FAM241A: variants seen among roughly 807,000 people sequenced by gnomAD.
FAM241A encodes the protein uncharacterized protein FAM241A.
A neutral mutation model predicts 12.2 loss-of-function variants in FAM241A; 7 were observed. That is an observed-to-expected ratio of 0.58 (90% CI 0.33 to 1.08). FAM241A has a LOEUF of 1.08. Among genes scored for constraint, FAM241A ranks in the 50% least tolerant of loss-of-function variants. The pLI, the probability that FAM241A is intolerant of heterozygous loss-of-function variation, is 0.04. For synonymous variants in FAM241A, 74 were observed against 68.2 expected, an observed-to-expected ratio of 1.08 and a Z score of -0.42; for missense variants, 161 against 169.7, an observed-to-expected ratio of 0.95 and a Z score of 0.29.
chr4:112,158,235 T>C (rs1040278), intron 1 of FAM241A, among the ~76,000 whole-genome samples: 80,815 of 151,878 alleles, frequency 0.53, 22,380 homozygotes, highest in African/African-American at 0.7. Flanking sequence ...AATCAAAGTC[T>C]TTGGGCGCTC....
At chr4:112,174,944 G>T (rs559979052) in intron 1 of FAM241A, among the ~76,000 whole-genome samples, 1 of 152,342 alleles carries the variant, frequency 6.6e-6, no homozygotes, top group Non-Finnish European at 1.5e-5. Context: ...CTGAAAAACT[G>T]TGTATATGCC....
At position 112,145,529 on chromosome 4, in the gene FAM241A, T is replaced by C. The variant is rs1457589447; in HGVS notation, c.-52T>C. On this transcript the variant is annotated 5_prime_UTR_variant, in exon 1 of 2. Coordinates refer to ENST00000309733, the MANE Select transcript of FAM241A (RefSeq NM_152400.3). ...TCGGGCGGCGGCGCTGCCTGGTGCGTCGCGGCGTGGTCCTCCGGCGGCTGT... is the reference window on the plus strand; with the variant it reads ...TCGGGCGGCGGCGCTGCCTGGTGCGCCGCGGCGTGGTCCTCCGGCGGCTGT... 1.6e-6 allele frequency: 2 copies of C among 1,215,910 alleles called. No homozygotes were observed. The highest frequency in any genetic ancestry group is 2.0e-6 in the Non-Finnish European group (2 of 975,864). 75.3% of individuals were successfully genotyped at this position (1,215,910 alleles called of 1,614,324 possible). A position where few individuals can be genotyped will look rare whatever the true frequency, so the allele number is the denominator to read the frequency against.
chr4:112,191,848 AAATT>A lies in FAM241A; in HGVS notation c.*4914_*4917del, dbSNP rs1724170507. ...CTGCTTTAATAATTGATTAATTATT[AAATT>A]AATCAATAGGCTTCACAAGGGAAGA... On this transcript the variant is annotated 3_prime_UTR_variant, in exon 2 of 2. Coordinates refer to ENST00000309733, the MANE Select transcript of FAM241A (RefSeq NM_152400.3). 6.6e-6 allele frequency: 1 copy of A among 152,236 alleles called. No individual in the cohort carries two copies. Among genetic ancestry groups the A allele is most frequent in the African/African-American group, 2.4e-5 (1 of 41,444 alleles). The allele number at this position is 152,236 out of a possible 1,614,324, so 9.4% of individuals were successfully genotyped here. A position where few individuals can be genotyped will look rare whatever the true frequency, so the allele number is the denominator to read the frequency against.
At chr4:112,153,774 T>C (rs1228986290) in intron 1 of FAM241A, among the ~76,000 whole-genome samples, 1 of 152,218 alleles carries the variant, frequency 6.6e-6, no homozygotes, top group East Asian at 1.9e-4. Context: ...CTGCAGCTTA[T>C]CAGAGTTCTA....
intron 1 of FAM241A, among the ~76,000 whole-genome samples, chr4:112,153,373 A>C (rs949536969): frequency 1.3e-5 from 2 of 152,186 alleles, no homozygotes; most frequent in African/African-American, 4.8e-5. Flanking sequence ...AAATATGTAG[A>C]AATTCTGTGT....
intron 1 of FAM241A, among the ~76,000 whole-genome samples, chr4:112,160,726 G>C (rs1232744583): frequency 6.6e-6 from 1 of 152,090 alleles, no homozygotes; most frequent in Non-Finnish European, 1.5e-5. Context: ...CAATGGAACA[G>C]AATAAAGAGC....
intron 1 of FAM241A, among the ~76,000 whole-genome samples, chr4:112,165,145 T>C (rs1276963508): frequency 6.6e-6 from 1 of 152,088 alleles, no homozygotes; most frequent in East Asian, 1.9e-4. Flanking sequence ...AACAGGCATA[T>C]GAAAAGATGC....
chr4:112,155,505 C>T (rs1723333805), intron 1 of FAM241A, among the ~76,000 whole-genome samples: 1 of 151,584 alleles, frequency 6.6e-6, no homozygotes, highest in Non-Finnish European at 1.5e-5. Context: ...AAGTGACAAA[C>T]AAGTTATAAT....
chr4:112,193,222 A>T lies in FAM241A; in HGVS notation c.*6284A>T, dbSNP rs974798025. On this transcript the variant is annotated 3_prime_UTR_variant, in exon 2 of 2. Transcript: ENST00000309733. ...TGTTTTTTTCTTGTAAATTTGTTTGAGTTCATTGTAGATTCTGGATATTAG... is the reference window on the plus strand; with the variant it reads ...TGTTTTTTTCTTGTAAATTTGTTTGTGTTCATTGTAGATTCTGGATATTAG... The T allele has an allele frequency of 4.0e-5, 6 of 151,060 alleles. No individual in the cohort carries two copies. Among genetic ancestry groups the T allele is most frequent in the African/African-American group, 1.5e-4 (6 of 40,948 alleles). The allele number at this position is 151,060 out of a possible 1,614,324, so 9.4% of individuals were successfully genotyped here.
At chr4:112,153,493 TC>T (rs1271340649) in intron 1 of FAM241A, among the ~76,000 whole-genome samples, 2 of 152,214 alleles carry the variant, frequency 1.3e-5, no homozygotes, top group African/African-American at 4.8e-5. Flanking sequence ...AAAACCTTGT[TC>T]CTACTAGTTA....
At chr4:112,149,783 T>C (rs1353262748) in intron 1 of FAM241A, among the ~76,000 whole-genome samples, 6 of 152,202 alleles carry the variant, frequency 3.9e-5, no homozygotes, top group East Asian at 3.8e-4. Context: ...ACCATTCATA[T>C]ATTTATTAGG....
intron 1 of FAM241A, among the ~76,000 whole-genome samples, chr4:112,176,493 G>A (rs1163731418): frequency 5.9e-5 from 9 of 152,190 alleles, no homozygotes; most frequent in Admixed American, 5.9e-4. Flanking sequence ...AGCAGGATTT[G>A]AATCTGTCCT....
intron 1 of FAM241A, among the ~76,000 whole-genome samples, chr4:112,176,840 A>C (rs562107250): frequency 3.9e-5 from 6 of 152,288 alleles, no homozygotes; most frequent in African/African-American, 7.2e-5. Flanking sequence ...CATTTGACAA[A>C]TGTTTTTCCA....
intron 1 of FAM241A, 84 bp from the exon 2 acceptor site, chr4:112,186,609 G>A (rs1372670639): frequency 1.6e-6 from 2 of 1,266,734 alleles, no homozygotes; most frequent in African/African-American, 1.5e-5. Flanking sequence ...CAGCACTTTG[G>A]AAGATGAAGA....
chr4:112,162,721 A>G (rs951602789), intron 1 of FAM241A, among the ~76,000 whole-genome samples: 1 of 152,224 alleles, frequency 6.6e-6, no homozygotes, highest in African/African-American at 2.4e-5. Flanking sequence ...TATCATGAAA[A>G]TGGCCATACT....
intron 1 of FAM241A, among the ~76,000 whole-genome samples, chr4:112,159,399 A>G (rs1237907564): frequency 2.0e-5 from 3 of 152,190 alleles, no homozygotes; most frequent in Non-Finnish European, 2.9e-5. Flanking sequence ...TAAATTAACT[A>G]TGGACTTATT....
intron 1 of FAM241A, among the ~76,000 whole-genome samples, chr4:112,168,426 A>G (rs1209113081): frequency 6.6e-6 from 1 of 152,220 alleles, no homozygotes; most frequent in Non-Finnish European, 1.5e-5. Context: ...CAGCCAAGTC[A>G]ATGGGTTTGA....
chr4:112,164,957 A>G lies in FAM241A; in HGVS notation c.153+19224A>G, dbSNP rs572789200. 8.5e-5 allele frequency among the ~76,000 whole-genome samples: 13 copies of G among 152,228 alleles called. No individual in the cohort carries two copies. In the East Asian group the frequency reaches 2.5e-3, roughly 29 times the overall value. ...GAAACCCCATCTCTCCAAAAAATAC[A>G]AAAAAACTAGCTAGGCATGGGCTCA... On this transcript the variant is annotated intron_variant, in intron 1 of 1. Transcript: ENST00000309733.
In FAM241A at chr4:112,173,803, C is replaced by CA. The variant is rs373488053; in HGVS notation, c.154-12889dup. On this transcript the variant is annotated intron_variant, in intron 1 of 1. Coordinates refer to ENST00000309733, the MANE Select transcript of FAM241A (RefSeq NM_152400.3). ...TGATTCAGCCTCACAGAAGTTGTCT[C>CA]ACAGTTCACCATCAAAAGTAATGTC... Among the ~76,000 whole-genome samples the CA allele has an allele frequency of 5.0e-3, 756 of 152,226 alleles. 7 individuals carry two copies. Among genetic ancestry groups the CA allele is most frequent in the African/African-American group, 0.017 (713 of 41,544 alleles).
Sources: gnomAD v4.1 joint callset for allele counts (sites outside exome capture counted in the v4.1 genomes callset) on GRCh38, gnomAD v4.1.1 for gene constraint, MANE v1.5 for transcripts, NCBI Gene and HGNC (gene_info 2026-07-23, HGNC 2026-07-21) for gene names.